RAB31: variants seen among roughly 807,000 people sequenced by gnomAD.
RAB31 encodes the protein ras-related protein Rab-31.
Under a neutral mutation model 25.6 loss-of-function variants are expected in RAB31, and 21 were observed. That is an observed-to-expected ratio of 0.82 (90% CI 0.58 to 1.18). The LOEUF is 1.18. Ranked by LOEUF, RAB31 falls within the 50% of genes most tolerant of loss-of-function variation. The pLI is 0.00. For synonymous variants in RAB31, 87 were observed against 84.0 expected (o/e 1.04, Z -0.20); for missense variants, 196 against 250.1 (o/e 0.78, Z 1.46).
chr18:9,818,462 C>T (rs575845771), intron 5 of RAB31, among the ~76,000 whole-genome samples: 16 of 152,254 alleles, frequency 1.1e-4, no homozygotes, highest in African/African-American at 3.4e-4. Flanking sequence ...TACATGGAAT[C>T]GTACAATATG....
At position 9,819,964 on chromosome 18, in the gene RAB31, A is replaced by G. The variant is rs534885155; in HGVS notation, c.380+4742A>G. On this transcript the variant is annotated intron_variant, in intron 5 of 6. Transcript: ENST00000578921. ...AATTTTAGTTGTTTTTTAGTAAATTATCTGGAGTTTTCTATATACAAGATT... is the reference window on the plus strand; with the variant it reads ...AATTTTAGTTGTTTTTTAGTAAATTGTCTGGAGTTTTCTATATACAAGATT... Among the ~76,000 whole-genome samples the G allele has an allele frequency of 1.1e-4, 16 of 152,176 alleles. 1 individual carries two copies. In the South Asian group the frequency reaches 2.5e-3, roughly 24 times the overall value.
intron 1 of RAB31, among the ~76,000 whole-genome samples, chr18:9,773,177 G>A (rs988590341): frequency 2.0e-5 from 3 of 152,090 alleles, no homozygotes; most frequent in Admixed American, 6.6e-5. Context: ...TAAAAGCCAA[G>A]TCCCCTGTTG....
At chr18:9,742,174 G>A (rs917030636) in intron 1 of RAB31, among the ~76,000 whole-genome samples, 1 of 152,228 alleles carries the variant, frequency 6.6e-6, no homozygotes, top group African/African-American at 2.4e-5. Flanking sequence ...ATTGAAGGCG[G>A]TCTTTCAAAG....
At chr18:9,829,339 G>C (rs548783981) in intron 5 of RAB31, among the ~76,000 whole-genome samples, 1 of 152,308 alleles carries the variant, frequency 6.6e-6, no homozygotes, top group East Asian at 1.9e-4. Context: ...ACGTGATGAC[G>C]TGTCGTTCAC....
At chr18:9,772,396 G>A (rs1433443972) in intron 1 of RAB31, among the ~76,000 whole-genome samples, 1 of 152,218 alleles carries the variant, frequency 6.6e-6, no homozygotes, top group Non-Finnish European at 1.5e-5. Flanking sequence ...TCGAGGAGTT[G>A]TCTCCTGAGC....
intron 2 of RAB31, among the ~76,000 whole-genome samples, chr18:9,791,151 A>G (rs956675341): frequency 6.6e-6 from 1 of 152,192 alleles, no homozygotes; most frequent in African/African-American, 2.4e-5. Flanking sequence ...GCAGGTTGGG[A>G]CTTAGATGTA....
chr18:9,787,759 A>T (rs912328476), intron 2 of RAB31: 1 of 152,466 alleles, frequency 6.6e-6, no homozygotes, highest in African/African-American at 2.4e-5. Context: ...ACTAAAGAAA[A>T]ATCATAGAAC....
chr18:9,822,748 A>G (rs1050074501), intron 5 of RAB31, among the ~76,000 whole-genome samples: 7 of 152,218 alleles, frequency 4.6e-5, no homozygotes, highest in Admixed American at 1.3e-4. Context: ...TAAAATAAAA[A>G]TCAGCGACAA....
chr18:9,721,277 T>C (rs1207531425), intron 1 of RAB31, among the ~76,000 whole-genome samples: 5 of 152,290 alleles, frequency 3.3e-5, no homozygotes, highest in Non-Finnish European at 7.4e-5. Context: ...TCATTAATAC[T>C]GGCTAAGGAG....
At chr18:9,710,377 A>G (rs960367019) in intron 1 of RAB31, among the ~76,000 whole-genome samples, 1 of 152,208 alleles carries the variant, frequency 6.6e-6, no homozygotes, top group Admixed American at 6.5e-5. Flanking sequence ...CTGGGAGAGG[A>G]GGAAGCTGGA....
chr18:9,781,886 A>T (rs1049788541), intron 2 of RAB31, among the ~76,000 whole-genome samples: 2 of 152,236 alleles, frequency 1.3e-5, no homozygotes, highest in Non-Finnish European at 2.9e-5. Flanking sequence ...AAAAGCTGGT[A>T]GGTTCGGTGG....
chr18:9,853,121 T>C (rs1334868892), intron 6 of RAB31, among the ~76,000 whole-genome samples: 2 of 152,204 alleles, frequency 1.3e-5, no homozygotes, highest in Non-Finnish European at 2.9e-5. Flanking sequence ...ATATTTTGGA[T>C]ACATATTTTT....
intron 6 of RAB31, among the ~76,000 whole-genome samples, chr18:9,851,497 A>C (rs919285009): frequency 6.6e-6 from 1 of 152,222 alleles, no homozygotes; most frequent in African/African-American, 2.4e-5. Context: ...CCTGTTTTAC[A>C]GATGAGGAAA....
At chr18:9,827,583 G>A (rs546077071) in intron 5 of RAB31, among the ~76,000 whole-genome samples, 50 of 152,002 alleles carry the variant, frequency 3.3e-4, no homozygotes, top group African/African-American at 1.2e-3. Context: ...AACATCTTAC[G>A]GAAGCACTCT....
chr18:9,728,259 T>G (rs988377418), intron 1 of RAB31, among the ~76,000 whole-genome samples: 8 of 152,248 alleles, frequency 5.3e-5, no homozygotes, highest in Admixed American at 6.5e-5. Context: ...TTTACTTAAC[T>G]GGTGCCCTAA....
chr18:9,750,235 A>G (rs1031819018), intron 1 of RAB31, among the ~76,000 whole-genome samples: 1 of 152,192 alleles, frequency 6.6e-6, no homozygotes, highest in Non-Finnish European at 1.5e-5. Flanking sequence ...AGTGTAAACA[A>G]CTAGCTGGTT....
chr18:9,757,388 C>T (rs16955546), intron 1 of RAB31, among the ~76,000 whole-genome samples: 1,646 of 152,278 alleles, frequency 0.011, 23 homozygotes, highest in Middle Eastern at 0.048. Flanking sequence ...TTGGGAGGAC[C>T]GCTGTTGGGA....
At chr18:9,759,630 C>T (rs1286931583) in intron 1 of RAB31, among the ~76,000 whole-genome samples, 1 of 151,906 alleles carries the variant, frequency 6.6e-6, no homozygotes, top group Non-Finnish European at 1.5e-5. Flanking sequence ...TAAGCCTCAT[C>T]CCAGAGGTGT....
At position 9,792,194 on chromosome 18, in the gene RAB31, C is replaced by A. The variant is rs1190584452; in HGVS notation, c.160C>A (p.Leu54Ile). 2 of 1,612,466 alleles carry A rather than the reference C, an allele frequency of 1.2e-6. No homozygotes were observed. The highest frequency in any genetic ancestry group is 2.2e-5 in the East Asian group (1 of 44,868). Residue 54 changes from leucine (L) to isoleucine (I), a missense_variant, in exon 3 of 7, where the codon CTT becomes ATT. Leu to Ile is a conservative substitution (Grantham distance 5). Coordinates refer to ENST00000578921, the MANE Select transcript of RAB31 (RefSeq NM_006868.4). ...MTKTVPCGNE[L>I]HKFLIWDTAG... Reference sequence around the variant, plus strand: ...CAAAACTGTGCCTTGTGGAAATGAACTTCACAAGTTCCTCATCTGGGACAC... The same window carrying A: ...CAAAACTGTGCCTTGTGGAAATGAAATTCACAAGTTCCTCATCTGGGACAC...
Sources: allele counts gnomAD v4.1 joint callset (sites outside exome capture counted in the v4.1 genomes callset), GRCh38; gene constraint gnomAD v4.1.1; transcripts MANE v1.5; gene names NCBI Gene and HGNC (gene_info 2026-07-23, HGNC 2026-07-21).